VPS37A: variants seen among roughly 807,000 people sequenced by gnomAD.
VPS37A encodes the protein VPS37A subunit of ESCRT-I, also known as vacuolar protein sorting-associated protein 37A.
A neutral mutation model predicts 49.8 loss-of-function variants in VPS37A; 30 were observed. That is an observed-to-expected ratio of 0.60 (90% CI 0.45 to 0.82). The LOEUF is 0.82. Among genes scored for constraint, VPS37A ranks in the 40% least tolerant of loss-of-function variants. The pLI is 0.00. For synonymous variants in VPS37A, 195 were observed against 160.6 expected (o/e 1.21, Z -1.62); for missense variants, 593 against 464.4 (o/e 1.28, Z -2.55).
chr8:17,287,252 T>C (rs2150416764), intron 11 of VPS37A, among the ~76,000 whole-genome samples: 1 of 152,228 alleles, frequency 6.6e-6, no homozygotes, highest in African/African-American at 2.4e-5. Flanking sequence ...TATTATAGAG[T>C]AAAAATGAAG....
At chr8:17,259,907 C>T (rs1449883124) in intron 1 of VPS37A, among the ~76,000 whole-genome samples, 1 of 152,070 alleles carries the variant, frequency 6.6e-6, no homozygotes, top group Non-Finnish European at 1.5e-5. Context: ...CTTTTGGTTT[C>T]CAGTTGCATG....
At chr8:17,247,524 G>A (rs1247039311) in intron 1 of VPS37A, 155 bp downstream of exon 1, 1 of 1,068,340 alleles carries the variant, frequency 9.4e-7, no homozygotes, top group Non-Finnish European at 1.4e-6. Flanking sequence ...TGCCACTCCT[G>A]CCCCCTTTTA....
downstream of VPS37A, chr8:17,300,112 G>C (rs201909678): frequency 6.2e-6 from 10 of 1,614,032 alleles, no homozygotes; most frequent in Non-Finnish European, 8.5e-6. Flanking sequence ...ATCCTGGGGA[G>C]TGTTGGCTAT....
At chr8:17,298,928 C>G (rs1041861553), downstream of VPS37A, 2 of 152,140 alleles carry the variant, frequency 1.3e-5, no homozygotes, top group Admixed American at 6.5e-5. Context: ...ATTACAAAAC[C>G]TATTCCCTTC....
rs187630735 is a variant in VPS37A at position 17,292,544 on chromosome 8, C to G, written c.*1-2443C>G. Among the ~76,000 whole-genome samples, 34 of 152,248 alleles carry G rather than the reference C, an allele frequency of 2.2e-4. No homozygotes were observed. In the South Asian group the frequency reaches 3.1e-3, roughly 14 times the overall value. On this transcript the variant is annotated intron_variant, in intron 11 of 11. Coordinates refer to ENST00000324849, the MANE Select transcript of VPS37A (RefSeq NM_152415.3). Reference sequence around the variant, plus strand: ...TTTTGCCCATTAGTTGATGCAGTTTCTTCATAGTATCAATGGTCTTTACAT... The same window carrying G: ...TTTTGCCCATTAGTTGATGCAGTTTGTTCATAGTATCAATGGTCTTTACAT...
intron 6 of VPS37A, 67 bp downstream of exon 6, chr8:17,276,534 T>C (rs1202681356): frequency 3.5e-5 from 50 of 1,418,818 alleles, no homozygotes; most frequent in Non-Finnish European, 4.8e-5. Context: ...AGATTATTAT[T>C]TCATATCCAT....
At chr8:17,306,620 A>T (rs1817471902), downstream of VPS37A, among the ~76,000 whole-genome samples, 1 of 152,214 alleles carries the variant, frequency 6.6e-6, no homozygotes, top group South Asian at 2.1e-4. Context: ...AGTTTTACAG[A>T]GAATCCAAAA....
At chr8:17,329,506 T>C in the VPS37A span, among the ~76,000 whole-genome samples, 1 of 152,292 alleles carries the variant, frequency 6.6e-6, no homozygotes, top group East Asian at 1.9e-4. Context: ...GGAGAAATGG[T>C]TCCTGACGAG....
intron 1 of VPS37A, chr8:17,265,629 A>G (rs1813377617): frequency 3.5e-6 from 2 of 575,894 alleles, no homozygotes; most frequent in Admixed American, 5.7e-5. Context: ...GGATAGAGTG[A>G]TAGTAAAACA....
chr8:17,249,730 C>A (rs1811796175), intron 1 of VPS37A, among the ~76,000 whole-genome samples: 1 of 152,146 alleles, frequency 6.6e-6, no homozygotes, highest in Non-Finnish European at 1.5e-5. Flanking sequence ...TTTTTCTCAT[C>A]AGTCATAAGG....
intron 5 of VPS37A, among the ~76,000 whole-genome samples, chr8:17,275,596 G>A (rs1336649721): frequency 1.3e-5 from 2 of 152,108 alleles, no homozygotes; most frequent in African/African-American, 4.8e-5. Flanking sequence ...ATACGCTGAG[G>A]GCTTCAAGTG....
At chr8:17,277,573 A>G (rs1359399944) in intron 6 of VPS37A, among the ~76,000 whole-genome samples, 1 of 152,014 alleles carries the variant, frequency 6.6e-6, no homozygotes, top group East Asian at 1.9e-4. Context: ...AGCAAATCCC[A>G]GATAATACAT....
At position 17,296,934 on chromosome 8, in the gene VPS37A, T is replaced by C. The variant is rs1816696135; in HGVS notation, c.*1948T>C. ...TATCTGCATTTAACAAATAGACAAA[T>C]CAGTTTACATAAAGGTTATGTATGT... On this transcript the variant is annotated 3_prime_UTR_variant, in exon 12 of 12. Coordinates refer to ENST00000324849, the MANE Select transcript of VPS37A (RefSeq NM_152415.3). 6.6e-6 allele frequency: 1 copy of C among 152,100 alleles called. No individual in the cohort carries two copies. 9.4% of individuals were successfully genotyped at this position (152,100 alleles called of 1,614,324 possible).
At chr8:17,312,725 G>A in the VPS37A span, among the ~76,000 whole-genome samples, 2 of 151,866 alleles carry the variant, frequency 1.3e-5, no homozygotes, top group Non-Finnish European at 2.9e-5. Context: ...TTGAATAAAT[G>A]ATTACCTCAA....
chr8:17,288,183 C>T (rs577245333), intron 11 of VPS37A, among the ~76,000 whole-genome samples: 2 of 152,156 alleles, frequency 1.3e-5, no homozygotes, highest in Non-Finnish European at 2.9e-5. Flanking sequence ...CCGTTCCTTA[C>T]CTCTATTCCC....
At chr8:17,252,676 C>G (rs1309148317) in intron 1 of VPS37A, among the ~76,000 whole-genome samples, 3 of 152,214 alleles carry the variant, frequency 2.0e-5, no homozygotes, top group African/African-American at 7.2e-5. Context: ...GGGCTACCCA[C>G]TACCCATTTC....
chr8:17,306,146 G>A (rs181563223), downstream of VPS37A, among the ~76,000 whole-genome samples: 7 of 152,198 alleles, frequency 4.6e-5, no homozygotes, highest in African/African-American at 1.2e-4. Context: ...TTGTAGTGAC[G>A]GTCTGGATAG....
chr8:17,279,303 G>C (rs1814809702), intron 6 of VPS37A, among the ~76,000 whole-genome samples: 1 of 151,972 alleles, frequency 6.6e-6, no homozygotes, highest in Non-Finnish European at 1.5e-5. Context: ...CACTGACCTG[G>C]TCTAAAGCTG....
intron 2 of VPS37A, 80 bp from the exon 3 acceptor site, chr8:17,268,178 A>C: frequency 1.1e-6 from 1 of 944,112 alleles, no homozygotes; most frequent in Non-Finnish European, 1.6e-6. Flanking sequence ...ACTTTTAAAT[A>C]GCTTTGTTTT....
Sources: allele counts gnomAD v4.1 joint callset (sites outside exome capture counted in the v4.1 genomes callset), GRCh38; gene constraint gnomAD v4.1.1; transcripts MANE v1.5; gene names NCBI Gene and HGNC (gene_info 2026-07-23, HGNC 2026-07-21).